The following PDE1C variants were observed in gnomAD, a reference collection of about 807,000 sequenced individuals.
The protein encoded by PDE1C is phosphodiesterase 1C.
Under a neutral mutation model 93.1 loss-of-function variants are expected in PDE1C, and 62 were observed. That is an observed-to-expected ratio of 0.67 (90% CI 0.54 to 0.82). The LOEUF (loss-of-function observed/expected upper bound fraction) is 0.82. PDE1C is among the 40% of genes least tolerant of loss of function. PDE1C has a pLI of 0.00. For missense variants in PDE1C, 742 were observed against 884.6 expected (o/e 0.84, Z 2.04); for synonymous variants, 325 against 310.1 (o/e 1.05, Z -0.50).
intron 17 of PDE1C, among the ~76,000 whole-genome samples, chr7:31,765,403 A>G (rs77471523): frequency 0.018 from 2,764 of 152,220 alleles, 84 homozygotes; most frequent in African/African-American, 0.062. Context: ...GCATGATTCT[A>G]GTTGTTTCAA....
At chr7:31,987,018 A>G (rs776408010) in intron 2 of PDE1C, among the ~76,000 whole-genome samples, 17 of 152,152 alleles carry the variant, frequency 1.1e-4, no homozygotes, top group Non-Finnish European at 1.8e-4. Flanking sequence ...CATATGGTCA[A>G]TGCTGATTAA....
At chr7:31,873,076 C>A (rs897731917) in intron 6 of PDE1C, among the ~76,000 whole-genome samples, 2 of 152,092 alleles carry the variant, frequency 1.3e-5, no homozygotes, top group Admixed American at 1.3e-4. Flanking sequence ...ATGGGTCTCT[C>A]CTGTCTCTCC....
At chr7:31,949,386 G>A (rs1171488594) in intron 2 of PDE1C, among the ~76,000 whole-genome samples, 1 of 152,146 alleles carries the variant, frequency 6.6e-6, no homozygotes, top group Admixed American at 6.5e-5. Flanking sequence ...CTTGAACCTG[G>A]GAGGTGAAGG....
intron 1 of PDE1C, among the ~76,000 whole-genome samples, chr7:32,267,429 C>T (rs1448600008): frequency 6.6e-6 from 1 of 152,088 alleles, no homozygotes; most frequent in African/African-American, 2.4e-5. Context: ...GGGGCACGTC[C>T]ACGTAAGGAA....
intron 2 of PDE1C, among the ~76,000 whole-genome samples, chr7:32,027,848 A>C (rs985256851): frequency 1.3e-5 from 2 of 152,068 alleles, no homozygotes; most frequent in Non-Finnish European, 2.9e-5. Flanking sequence ...ACAACAAAAA[A>C]ATCTGATGTA....
chr7:31,865,181 T>C, intron 6 of PDE1C, 99 bp from the exon 7 acceptor site: 1 of 1,158,486 alleles, frequency 8.6e-7, no homozygotes, highest in Non-Finnish European at 1.3e-6. Context: ...TCTGAAGGCA[T>C]AACACATGAG....
chr7:31,730,867 T>C, the PDE1C span, among the ~76,000 whole-genome samples: 1 of 151,060 alleles, frequency 6.6e-6, no homozygotes, highest in African/African-American at 2.4e-5. Flanking sequence ...GAAAAAAGGG[T>C]TTGAAGGATG....
chr7:32,330,263 G>A (rs568652328), intron 1 of PDE1C, among the ~76,000 whole-genome samples: 2 of 152,260 alleles, frequency 1.3e-5, no homozygotes, highest in African/African-American at 4.8e-5. Flanking sequence ...CAAGGTCTCA[G>A]TAAGTGGCTG....
At chr7:32,298,501 C>T in intron 1 of PDE1C, 1 of 943,202 alleles carries the variant, frequency 1.1e-6, no homozygotes, top group Non-Finnish European at 1.6e-6. Context: ...CCGACCCAGT[C>T]GCCGCTCCCG....
intron 3 of PDE1C, among the ~76,000 whole-genome samples, chr7:32,157,977 G>A (rs373958309): frequency 5.2e-4 from 79 of 152,254 alleles, no homozygotes; most frequent in African/African-American, 1.8e-3. Context: ...AGTGCTATCC[G>A]GGGAAATTTA....
chr7:32,190,427 T>C (rs1804156015), intron 2 of PDE1C, among the ~76,000 whole-genome samples: 1 of 152,216 alleles, frequency 6.6e-6, no homozygotes, highest in Non-Finnish European at 1.5e-5. Context: ...GACATAGTGC[T>C]TGGCACACTA....
intron 11 of PDE1C, 73 bp from the exon 12 acceptor site, chr7:31,828,446 T>C: frequency 9.1e-7 from 1 of 1,098,234 alleles, no homozygotes; most frequent in Non-Finnish European, 1.4e-6. Flanking sequence ...TAGCAACTTC[T>C]GCCGCCACGG....
chr7:31,781,814 A>T (rs7459335), intron 16 of PDE1C, among the ~76,000 whole-genome samples: 2 of 151,742 alleles, frequency 1.3e-5, no homozygotes, highest in African/African-American at 4.8e-5. Flanking sequence ...TACTAGGTTT[A>T]GTTTCGTGTG....
At chr7:32,167,208 A>G (rs1186098712) in intron 3 of PDE1C, among the ~76,000 whole-genome samples, 1 of 152,232 alleles carries the variant, frequency 6.6e-6, no homozygotes, top group Non-Finnish European at 1.5e-5. Flanking sequence ...TCTGAAAAGA[A>G]CTACTTAAAT....
intron 1 of PDE1C, among the ~76,000 whole-genome samples, chr7:32,408,750 C>CTGCA (rs1296081840): frequency 2.0e-5 from 3 of 152,028 alleles, no homozygotes; most frequent in African/African-American, 7.2e-5. Context: ...GATTATGCTG[C>CTGCA]TGCACTCCAG....
intron 1 of PDE1C, among the ~76,000 whole-genome samples, chr7:32,389,915 C>T (rs1784719620): frequency 6.6e-6 from 1 of 152,174 alleles, no homozygotes; most frequent in African/African-American, 2.4e-5. Context: ...TTCCAACTGA[C>T]ACAAAGTTTC....
At chr7:32,389,352 G>A (rs1298480944) in intron 1 of PDE1C, among the ~76,000 whole-genome samples, 1 of 152,182 alleles carries the variant, frequency 6.6e-6, no homozygotes, top group African/African-American at 2.4e-5. Flanking sequence ...AAGTAGCTGA[G>A]CTTACAGGCG....
intron 2 of PDE1C, among the ~76,000 whole-genome samples, chr7:32,176,159 G>A (rs1459978512): frequency 2.0e-5 from 3 of 152,132 alleles, no homozygotes; most frequent in African/African-American, 7.2e-5. Flanking sequence ...GAAGTCTCTT[G>A]TAGTTAGCCT....
intron 2 of PDE1C, among the ~76,000 whole-genome samples, chr7:31,974,367 C>G (rs1400234816): frequency 6.6e-6 from 1 of 152,156 alleles, no homozygotes; most frequent in Non-Finnish European, 1.5e-5. Context: ...TAACATGGCA[C>G]AGGTTTCAAA....
Sources: allele counts gnomAD v4.1 joint callset (sites outside exome capture counted in the v4.1 genomes callset), GRCh38; gene constraint gnomAD v4.1.1; transcripts MANE v1.5; gene names NCBI Gene and HGNC (gene_info 2026-07-23, HGNC 2026-07-21).